MAP2: variants seen among roughly 807,000 people sequenced by gnomAD.
MAP2 encodes the protein microtubule-associated protein 2.
A neutral mutation model predicts 137.6 loss-of-function variants in MAP2; 14 were observed. The observed-to-expected ratio is 0.10, with a 90% CI of 0.07 to 0.16. The LOEUF (loss-of-function observed/expected upper bound fraction) is 0.16. Among genes scored for constraint, MAP2 ranks in the 10% least tolerant of loss-of-function variants. The probability of loss-of-function intolerance (pLI) is 1.00; values close to 1 mark genes in which losing one functional copy is unlikely to be tolerated. For synonymous variants in MAP2, 786 were observed against 782.3 expected (o/e 1.00, Z -0.08); for missense variants, 2,088 against 2,191.5 (o/e 0.95, Z 0.94).
At chr2:209,569,672 A>T (rs1017599982) in intron 2 of MAP2, among the ~76,000 whole-genome samples, 3 of 151,858 alleles carry the variant, frequency 2.0e-5, no homozygotes, top group Non-Finnish European at 4.4e-5. Context: ...AAAAGTGTCC[A>T]CACCAAAATT....
chr2:209,727,023 T>C (rs2074314709), intron 14 of MAP2, among the ~76,000 whole-genome samples: 1 of 152,178 alleles, frequency 6.6e-6, no homozygotes, highest in South Asian at 2.1e-4. Context: ...AAATTATTGG[T>C]TGAAAAACAA....
chr2:209,575,661 C>T (rs1268100344), intron 2 of MAP2, among the ~76,000 whole-genome samples: 2 of 150,536 alleles, frequency 1.3e-5, no homozygotes, highest in Admixed American at 6.6e-5. Context: ...TGTGTTTAGA[C>T]ATTCCAATTC....
Position 209,528,042 on chromosome 2 carries a change from G to A in MAP2, c.-172+20401G>A, listed in dbSNP as rs181975878. 9.4e-3 allele frequency among the ~76,000 whole-genome samples: 1,429 copies of A among 152,144 alleles called. 15 individuals carry two copies. Among genetic ancestry groups the A allele is most frequent in the Non-Finnish European group, 0.014 (985 of 67,996 alleles). On this transcript the variant is annotated intron_variant, in intron 2 of 15. Transcript: ENST00000682079. ...TTAACATTTATTTATTAAATTATGG[G>A]CATGGTAGGCATAGATTATATGTCC...
At chr2:209,518,532 G>C (rs182254985) in intron 2 of MAP2, among the ~76,000 whole-genome samples, 1 of 152,102 alleles carries the variant, frequency 6.6e-6, no homozygotes, top group Admixed American at 6.6e-5. Context: ...AGAGGGTGCG[G>C]GACAGTTTTA....
At chr2:209,565,071 G>T (rs1250910897) in intron 2 of MAP2, among the ~76,000 whole-genome samples, 1 of 152,112 alleles carries the variant, frequency 6.6e-6, no homozygotes, top group Non-Finnish European at 1.5e-5. Context: ...CCGCTTGGCT[G>T]CTTCACTTTC....
chr2:209,518,816 T>C (rs537530224), intron 2 of MAP2, among the ~76,000 whole-genome samples: 2 of 152,202 alleles, frequency 1.3e-5, no homozygotes, highest in African/African-American at 2.4e-5. Flanking sequence ...AACATTGATA[T>C]CTGAACACAT....
intron 7 of MAP2, among the ~76,000 whole-genome samples, chr2:209,689,645 G>T (rs2058259432): frequency 6.6e-6 from 1 of 152,018 alleles, no homozygotes. Flanking sequence ...TTTGGGGGGT[G>T]GTTATTTTGG....
At chr2:209,581,457 T>G (rs2076392596) in intron 3 of MAP2, among the ~76,000 whole-genome samples, 2 of 152,302 alleles carry the variant, frequency 1.3e-5, no homozygotes, top group African/African-American at 4.8e-5. Flanking sequence ...CACTTCTTCT[T>G]CAGAAATTAC....
At position 209,696,060 on chromosome 2, in the gene MAP2, C is replaced by T. The variant is rs1407989941; in HGVS notation, c.3890C>T (p.Thr1297Ile). The T allele has an allele frequency of 5.6e-6, 9 of 1,614,028 alleles. No individual in the cohort carries two copies. Among genetic ancestry groups the T allele is most frequent in the South Asian group, 2.2e-5 (2 of 91,074 alleles). ...IEDDFITVVQ[T>I]TTDEGESGSH... ...GATGATTTCATCACTGTAGTGCAAACCACAACTGATGAAGGGGAGTCAGGG... is the reference window on the plus strand; with the variant it reads ...GATGATTTCATCACTGTAGTGCAAATCACAACTGATGAAGGGGAGTCAGGG... Residue 1297 changes from threonine (T) to isoleucine (I), a missense_variant, in exon 8 of 16, where the codon ACC (threonine) becomes ATC (isoleucine). Physicochemically the swap from Thr to Ile is moderately conservative, Grantham distance 89 (BLOSUM62 -1). Transcript: ENST00000682079.
At chr2:209,535,519 T>C (rs1398990254) in intron 2 of MAP2, among the ~76,000 whole-genome samples, 41 of 152,010 alleles carry the variant, frequency 2.7e-4, no homozygotes, top group Admixed American at 2.7e-3. Flanking sequence ...CATGAATGCA[T>C]GGTTCAGTGA....
intron 3 of MAP2, among the ~76,000 whole-genome samples, chr2:209,590,506 T>A (rs1181845270): frequency 1.3e-5 from 2 of 152,124 alleles, no homozygotes; most frequent in African/African-American, 4.8e-5. Flanking sequence ...TGGCTAATTT[T>A]GTATTTTTAG....
chr2:209,475,199 T>G (rs1304031342), intron 1 of MAP2, among the ~76,000 whole-genome samples: 1 of 152,106 alleles, frequency 6.6e-6, no homozygotes, highest in Non-Finnish European at 1.5e-5. Flanking sequence ...TGTGTGTTTA[T>G]ACACGTACAC....
Position 209,694,128 on chromosome 2 carries a change from G to A in MAP2, c.1958G>A (p.Ser653Asn), listed in dbSNP as rs566003833. Residue 653 changes from serine (S) to asparagine (N), a missense_variant, in exon 8 of 16, where the codon AGT becomes AAT. By Grantham distance (46) the Ser-to-Asn change is conservative. Coordinates refer to ENST00000682079, the MANE Select transcript of MAP2 (RefSeq NM_001375505.1). ...CCATCAGATTTACCTGAAGAACCCA[G>A]TTCTCCTCAAGAAAGAATGTTCACT... ...SYPSDLPEEPSSPQERMFTID... is the reference protein window; with the variant it reads ...SYPSDLPEEPNSPQERMFTID... The A allele has an allele frequency of 3.7e-5, 59 of 1,614,054 alleles. No homozygotes were observed. Among genetic ancestry groups the A allele is most frequent in the South Asian group, 2.1e-4 (19 of 91,062 alleles).
intron 3 of MAP2, among the ~76,000 whole-genome samples, chr2:209,612,120 T>C (rs2087125063): frequency 6.6e-6 from 1 of 152,212 alleles, no homozygotes; most frequent in South Asian, 2.1e-4. Flanking sequence ...TTGCGTTTCA[T>C]TTCATGCAGC....
chr2:209,689,119 A>G (rs1046668838), intron 7 of MAP2, among the ~76,000 whole-genome samples: 8 of 152,180 alleles, frequency 5.3e-5, no homozygotes, highest in African/African-American at 1.9e-4. Flanking sequence ...TTATCCAAAA[A>G]GGTAACATTA....
intron 1 of MAP2, among the ~76,000 whole-genome samples, chr2:209,452,626 A>G (rs1700578540): frequency 6.6e-6 from 1 of 152,184 alleles, no homozygotes; most frequent in African/African-American, 2.4e-5. Context: ...ATATTAAAGG[A>G]TGGATCCACA....
chr2:209,580,832 A>G (rs897424090), intron 3 of MAP2, among the ~76,000 whole-genome samples: 41 of 152,276 alleles, frequency 2.7e-4, no homozygotes, highest in African/African-American at 9.6e-4. Flanking sequence ...GCAATTATGG[A>G]TATTACCTTT....
chr2:209,490,538 C>T (rs1003772956), intron 1 of MAP2, among the ~76,000 whole-genome samples: 28 of 134,356 alleles, frequency 2.1e-4, no homozygotes, highest in African/African-American at 6.4e-4. Flanking sequence ...AGACCCATCT[C>T]GTGTGCAAAG....
intron 1 of MAP2, among the ~76,000 whole-genome samples, chr2:209,490,049 A>C (rs929288689): frequency 1.3e-5 from 2 of 152,258 alleles, no homozygotes; most frequent in Non-Finnish European, 2.9e-5. Flanking sequence ...GGTTACCCAC[A>C]AAGGGAAACC....
Sources: allele counts gnomAD v4.1 joint callset (sites outside exome capture counted in the v4.1 genomes callset), GRCh38; gene constraint gnomAD v4.1.1; transcripts MANE v1.5; gene names NCBI Gene and HGNC (gene_info 2026-07-23, HGNC 2026-07-21).